The following MDGA2 variants were observed in gnomAD, a reference collection of about 807,000 sequenced individuals.
MDGA2 encodes the protein MAM domain-containing glycosylphosphatidylinositol anchor protein 2.
A neutral mutation model predicts 117.8 loss-of-function variants in MDGA2; 40 were observed. The ratio of observed to expected loss-of-function variants is 0.34; its 90% confidence interval spans 0.26 to 0.44. MDGA2 has a LOEUF of 0.44. Among genes scored for constraint, MDGA2 ranks in the 20% least tolerant of loss-of-function variants. The pLI, the probability that MDGA2 is intolerant of heterozygous loss-of-function variation, is 1.00. For synonymous variants in MDGA2, 452 were observed against 439.0 expected (o/e 1.03, Z -0.37); for missense variants, 1,123 against 1,250.6 (o/e 0.90, Z 1.54).
At chr14:47,666,918 C>T (rs1323911779) in intron 1 of MDGA2, among the ~76,000 whole-genome samples, 2 of 152,104 alleles carry the variant, frequency 1.3e-5, no homozygotes, top group Non-Finnish European at 1.5e-5. Context: ...TGTTAACACT[C>T]ACTGCGAAGG....
intron 3 of MDGA2, among the ~76,000 whole-genome samples, chr14:47,191,773 C>G (rs1385489429): frequency 6.6e-6 from 1 of 151,990 alleles, no homozygotes; most frequent in Non-Finnish European, 1.5e-5. Flanking sequence ...CCTGATGTAC[C>G]GCAGTCAGAA....
Position 47,481,928 on chromosome 14 carries a change from G to C in MDGA2, c.281-180378C>G, listed in dbSNP as rs186392546. On this transcript the variant is annotated intron_variant, in intron 1 of 16. Coordinates refer to ENST00000399232, the MANE Select transcript of MDGA2 (RefSeq NM_001113498.3). Reference sequence around the variant, plus strand: ...TACTATTTAAGTGGTCAGAAGTAAAGAAACAGTTAAAAACAGGAGGATATT... The same window carrying C: ...TACTATTTAAGTGGTCAGAAGTAAACAAACAGTTAAAAACAGGAGGATATT... Among the ~76,000 whole-genome samples the C allele has an allele frequency of 2.0e-3, 308 of 152,082 alleles. 3 individuals are homozygous for C. Among genetic ancestry groups the C allele is most frequent in the African/African-American group, 7.2e-3 (298 of 41,532 alleles).
chr14:46,965,262 T>G (rs1350007678), intron 8 of MDGA2, among the ~76,000 whole-genome samples: 2 of 152,184 alleles, frequency 1.3e-5, no homozygotes, highest in African/African-American at 4.8e-5. Context: ...TGAGAATTCT[T>G]TGAAAGTATC....
intron 1 of MDGA2, among the ~76,000 whole-genome samples, chr14:47,347,565 A>T (rs1298326472): frequency 6.6e-6 from 1 of 152,162 alleles, no homozygotes; most frequent in Non-Finnish European, 1.5e-5. Context: ...ACTGTGCTAG[A>T]GAAGACAAGA....
chr14:47,017,895 T>C (rs1025680300), intron 8 of MDGA2, among the ~76,000 whole-genome samples: 1 of 152,150 alleles, frequency 6.6e-6, no homozygotes, highest in African/African-American at 2.4e-5. Flanking sequence ...TTTGCTTAGA[T>C]ATTTTTATTT....
chr14:47,147,119 A>C (rs1239807343), intron 3 of MDGA2, among the ~76,000 whole-genome samples: 2 of 152,020 alleles, frequency 1.3e-5, no homozygotes, highest in East Asian at 3.9e-4. Context: ...GAGATTATAT[A>C]TGTATGTTTG....
intron 2 of MDGA2, among the ~76,000 whole-genome samples, chr14:47,269,172 T>C (rs1888062792): frequency 6.6e-6 from 1 of 152,172 alleles, no homozygotes; most frequent in South Asian, 2.1e-4. Flanking sequence ...CCTAGTACTA[T>C]ACGTAGTAGG....
At chr14:47,051,528 T>G (rs1016499248) in intron 7 of MDGA2, among the ~76,000 whole-genome samples, 5 of 151,908 alleles carry the variant, frequency 3.3e-5, no homozygotes, top group Non-Finnish European at 7.4e-5. Flanking sequence ...AAAATTAGGT[T>G]CTTTTAAAAC....
chr14:47,594,894 T>A (rs1244947788), intron 1 of MDGA2, among the ~76,000 whole-genome samples: 3 of 152,088 alleles, frequency 2.0e-5, no homozygotes, highest in African/African-American at 7.2e-5. Context: ...ATGGTGTAGA[T>A]CACAAATTAT....
At chr14:47,079,428 A>C (rs1451530598) in intron 6 of MDGA2, among the ~76,000 whole-genome samples, 1 of 152,182 alleles carries the variant, frequency 6.6e-6, no homozygotes, top group Non-Finnish European at 1.5e-5. Context: ...ATTTTTGTTA[A>C]GTATTCCCTT....
At chr14:47,497,169 T>C (rs1894299052) in intron 1 of MDGA2, among the ~76,000 whole-genome samples, 1 of 152,190 alleles carries the variant, frequency 6.6e-6, no homozygotes, top group Admixed American at 6.5e-5. Context: ...TCAGTTATTT[T>C]TTCCACAGGT....
At chr14:46,960,046 AC>A (rs1287645353) in intron 8 of MDGA2, among the ~76,000 whole-genome samples, 1 of 151,634 alleles carries the variant, frequency 6.6e-6, no homozygotes, top group Non-Finnish European at 1.5e-5. Flanking sequence ...ACATAGTGAA[AC>A]CCCGTCTCTA....
intron 1 of MDGA2, among the ~76,000 whole-genome samples, chr14:47,412,687 A>C (rs989063537): frequency 8.5e-5 from 13 of 152,328 alleles, no homozygotes; most frequent in Middle Eastern, 3.4e-3. Context: ...TTACAGAGGG[A>C]GGGAGAGGCT....
chr14:47,290,861 T>C (rs892447927), intron 2 of MDGA2, among the ~76,000 whole-genome samples: 8 of 151,568 alleles, frequency 5.3e-5, no homozygotes, highest in African/African-American at 7.3e-5. Flanking sequence ...ACAGACTCCA[T>C]TCTACTGTGA....
chr14:47,028,613 A>G (rs1051477916), intron 8 of MDGA2, among the ~76,000 whole-genome samples: 9 of 152,308 alleles, frequency 5.9e-5, no homozygotes, highest in African/African-American at 1.9e-4. Flanking sequence ...TTTCGTCATC[A>G]CCAAGAGGCA....
At chr14:46,894,604 C>T (rs1473458383) in intron 10 of MDGA2, among the ~76,000 whole-genome samples, 1 of 152,106 alleles carries the variant, frequency 6.6e-6, no homozygotes, top group Non-Finnish European at 1.5e-5. Context: ...TATTTAGAGA[C>T]TCCAGTGGAT....
At chr14:47,281,237 C>T (rs543663525) in intron 2 of MDGA2, among the ~76,000 whole-genome samples, 1 of 151,262 alleles carries the variant, frequency 6.6e-6, no homozygotes, top group East Asian at 1.9e-4. Flanking sequence ...CTATCCATTG[C>T]ATAAGGATGA....
intron 2 of MDGA2, among the ~76,000 whole-genome samples, chr14:47,297,219 G>A (rs762093547): frequency 2.0e-5 from 3 of 151,966 alleles, no homozygotes; most frequent in Non-Finnish European, 2.9e-5. Context: ...GAAATGCAAC[G>A]AACGAGAACT....
intron 8 of MDGA2, among the ~76,000 whole-genome samples, chr14:46,988,003 T>C (rs1038671946): frequency 7.9e-5 from 12 of 151,664 alleles, no homozygotes; most frequent in South Asian, 2.1e-4. Context: ...GTACAGAGTA[T>C]AGTATGTTAT....
Sources: allele counts gnomAD v4.1 joint callset (sites outside exome capture counted in the v4.1 genomes callset), GRCh38; gene constraint gnomAD v4.1.1; transcripts MANE v1.5; gene names NCBI Gene and HGNC (gene_info 2026-07-23, HGNC 2026-07-21).